The following MYT1L variants were observed in gnomAD, a reference collection of about 807,000 sequenced individuals.
MYT1L encodes myelin transcription factor 1-like protein.
A neutral mutation model predicts 126.7 loss-of-function variants in MYT1L; 12 were observed. The ratio of observed to expected loss-of-function variants is 0.09; its 90% confidence interval spans 0.06 to 0.15. MYT1L has a LOEUF of 0.15. Ranked by LOEUF, MYT1L falls within the 10% of genes least tolerant of loss-of-function variation. The pLI is 1.00. For synonymous variants in MYT1L, 541 were observed against 604.2 expected (o/e 0.90, Z 1.53); for missense variants, 979 against 1,585.2 (o/e 0.62, Z 6.49).
chr2:2,147,055 A>AT, intron 3 of MYT1L, among the ~76,000 whole-genome samples: 1 of 152,208 alleles, frequency 6.6e-6, no homozygotes, highest in East Asian at 1.9e-4. Flanking sequence ...TGCTGCAGTT[A>AT]TTAGCATTCA....
At chr2:1,850,020 G>T (rs2043003649) in intron 19 of MYT1L, among the ~76,000 whole-genome samples, 2 of 124,368 alleles carry the variant, frequency 1.6e-5, no homozygotes, top group African/African-American at 6.5e-5. Flanking sequence ...GTGCTCTAGG[G>T]GGCGGGGTGG....
intron 1 of MYT1L, among the ~76,000 whole-genome samples, chr2:2,303,243 G>A (rs184564722): frequency 1.5e-3 from 233 of 152,292 alleles, no homozygotes; most frequent in Non-Finnish European, 2.7e-3. Context: ...AAAGCGGATC[G>A]CTCAACTTTG....
At chr2:1,886,287 C>T (rs1379882050) in intron 18 of MYT1L, 2 of 364,352 alleles carry the variant, frequency 5.5e-6, no homozygotes, top group Non-Finnish European at 9.7e-6. Context: ...AACACCCATG[C>T]TTTAGGATAT....
intron 3 of MYT1L, among the ~76,000 whole-genome samples, chr2:2,161,207 C>T (rs1575572423): frequency 6.6e-6 from 1 of 152,088 alleles, no homozygotes; most frequent in African/African-American, 2.4e-5. Flanking sequence ...AGAGAGACTC[C>T]ATCTCAAACA....
At position 2,130,020 on chromosome 2, in the gene MYT1L, A is replaced by G. The variant is rs1255895035; in HGVS notation, c.-304+42852T>C. 2.0e-5 allele frequency among the ~76,000 whole-genome samples: 3 copies of G among 152,300 alleles called. No homozygotes were observed. In the East Asian group the frequency reaches 5.8e-4, roughly 29 times the overall value. On this transcript the variant is annotated intron_variant, in intron 3 of 24. Coordinates refer to ENST00000647738, the MANE Select transcript of MYT1L (RefSeq NM_001303052.2). ...TAAATTTTAATTTTCTACGTGGGAA[A>G]AGGCACCATAGGTATTCATAAATAT...
chr2:2,075,691 A>G (rs1304489858), intron 3 of MYT1L, among the ~76,000 whole-genome samples: 1 of 152,258 alleles, frequency 6.6e-6, no homozygotes, highest in African/African-American at 2.4e-5. Flanking sequence ...TATGAATTAC[A>G]TTGTTAAAAA....
chr2:2,161,496 G>GATGT (rs1224930542), intron 3 of MYT1L, among the ~76,000 whole-genome samples: 3 of 152,244 alleles, frequency 2.0e-5, no homozygotes, highest in Non-Finnish European at 4.4e-5. Context: ...GGAGCCTGAA[G>GATGT]ATGTATATTT....
chr2:1,796,350 A>C (rs749766390), intron 23 of MYT1L, among the ~76,000 whole-genome samples: 3 of 152,222 alleles, frequency 2.0e-5, no homozygotes, highest in Non-Finnish European at 4.4e-5. Flanking sequence ...GGAAGGGTGT[A>C]ACCCCAAGGA....
intron 20 of MYT1L, among the ~76,000 whole-genome samples, chr2:1,839,575 G>C (rs989829784): frequency 6.6e-6 from 1 of 152,258 alleles, no homozygotes; most frequent in Non-Finnish European, 1.5e-5. Context: ...CCCCTGCGCA[G>C]AAGGCCTGAC....
chr2:1,995,576 T>A (rs1456672514), intron 5 of MYT1L, among the ~76,000 whole-genome samples: 2 of 152,176 alleles, frequency 1.3e-5, no homozygotes, highest in African/African-American at 4.8e-5. Context: ...GCACAGCCGC[T>A]GTAGGGGGAG....
intron 3 of MYT1L, among the ~76,000 whole-genome samples, chr2:2,137,326 T>C (rs952805422): frequency 3.9e-5 from 6 of 152,078 alleles, no homozygotes; most frequent in Non-Finnish European, 7.4e-5. Flanking sequence ...CTTCACAGAA[T>C]TGGAAAAAAC....
chr2:2,163,035 C>A (rs1255724710), intron 3 of MYT1L, among the ~76,000 whole-genome samples: 1 of 152,130 alleles, frequency 6.6e-6, no homozygotes, highest in Non-Finnish European at 1.5e-5. Flanking sequence ...CAATGGAGAT[C>A]AGAGCTCCAG....
At chr2:2,143,534 T>C (rs116434947) in intron 3 of MYT1L, among the ~76,000 whole-genome samples, 355 of 152,198 alleles carry the variant, frequency 2.3e-3, no homozygotes, top group African/African-American at 8.1e-3. Flanking sequence ...GAGCCTCACT[T>C]ACTCACGTAC....
intron 1 of MYT1L, chr2:2,306,119 T>C (rs1177120351): frequency 6.6e-6 from 1 of 152,206 alleles, no homozygotes; most frequent in Non-Finnish European, 1.5e-5. Flanking sequence ...TCCTGGAATT[T>C]TGTGCCCAGA....
intron 18 of MYT1L, among the ~76,000 whole-genome samples, chr2:1,884,559 CATT>C (rs1311013731): frequency 5.3e-5 from 8 of 152,286 alleles, no homozygotes; most frequent in Admixed American, 3.3e-4. Flanking sequence ...GTCATTGAAA[CATT>C]AGTGTTTTTA....
Position 2,295,795 on chromosome 2 carries a change from G to GAC in MYT1L, c.-520-11293_-520-11292insGT, listed in dbSNP as rs1559586720. 1.4e-3 allele frequency among the ~76,000 whole-genome samples: 159 copies of GAC among 117,306 alleles called. 1 individual carries two copies. The highest frequency in any genetic ancestry group is 5.6e-3 in the South Asian group (17 of 3,040). The allele number at this position is 117,306 out of a possible 152,430, so 77.0% of individuals were successfully genotyped here. A position where few individuals can be genotyped will look rare whatever the true frequency, so the allele number is the denominator to read the frequency against. ...AGAGAGAGATAGAGAGACAGACAGA[G>GAC]AGAGAGAGAGAGAGAGAGACAGAGG... On this transcript the variant is annotated intron_variant, in intron 1 of 24. Coordinates refer to ENST00000647738, the MANE Select transcript of MYT1L (RefSeq NM_001303052.2).
intron 8 of MYT1L, among the ~76,000 whole-genome samples, chr2:1,976,253 T>C (rs1164173599): frequency 6.6e-6 from 1 of 152,160 alleles, no homozygotes; most frequent in Non-Finnish European, 1.5e-5. Context: ...GCATCACAGC[T>C]GTGTTCACAG....
chr2:2,172,601 C>T (rs1559221855), intron 3 of MYT1L, among the ~76,000 whole-genome samples: 3 of 152,244 alleles, frequency 2.0e-5, no homozygotes, highest in South Asian at 4.1e-4. Flanking sequence ...CTGCAGCAAT[C>T]CTGGGAGCCC....
chr2:1,815,322 C>T (rs1186062035), intron 21 of MYT1L, among the ~76,000 whole-genome samples: 1 of 152,222 alleles, frequency 6.6e-6, no homozygotes, highest in Non-Finnish European at 1.5e-5. Flanking sequence ...GCAGCATCAA[C>T]AGGCCCCTTC....
Sources: allele counts gnomAD v4.1 joint callset (sites outside exome capture counted in the v4.1 genomes callset), GRCh38; gene constraint gnomAD v4.1.1; transcripts MANE v1.5; gene names NCBI Gene and HGNC (gene_info 2026-07-23, HGNC 2026-07-21).